Variants in TAFA1 observed in about 807,000 individuals in gnomAD.
The protein encoded by TAFA1 is chemokine-like protein TAFA-1.
Under a neutral mutation model 18.5 loss-of-function variants are expected in TAFA1, and 4 were observed. The observed-to-expected ratio is 0.22, with a 90% CI of 0.11 to 0.49. The LOEUF is 0.49. TAFA1 is among the 20% of genes least tolerant of loss of function. TAFA1 has a pLI of 0.98. For missense variants in TAFA1, 147 were observed against 169.0 expected (o/e 0.87, Z 0.72); for synonymous variants, 56 against 55.2 (o/e 1.01, Z -0.06).
At chr3:68,257,526 C>G (rs1316919634) in intron 2 of TAFA1, among the ~76,000 whole-genome samples, 7 of 151,554 alleles carry the variant, frequency 4.6e-5, no homozygotes, top group Non-Finnish European at 1.0e-4. Context: ...ATTACATCAA[C>G]AAACGAACAC....
intron 2 of TAFA1, among the ~76,000 whole-genome samples, chr3:68,159,856 A>G (rs544277806): frequency 6.6e-6 from 1 of 152,328 alleles, no homozygotes; most frequent in African/African-American, 2.4e-5. Flanking sequence ...CTATCACTAT[A>G]TAGTCACCCC....
intron 2 of TAFA1, among the ~76,000 whole-genome samples, chr3:68,188,821 T>A (rs889074981): frequency 2.0e-5 from 3 of 151,972 alleles, no homozygotes; most frequent in African/African-American, 7.2e-5. Flanking sequence ...TGATTAATTT[T>A]TATCATCCAG....
intron 2 of TAFA1, among the ~76,000 whole-genome samples, chr3:68,382,452 C>A (rs183575047): frequency 3.9e-5 from 6 of 152,012 alleles, no homozygotes; most frequent in Non-Finnish European, 8.8e-5. Context: ...GCCAGTTATC[C>A]CAGCACTATT....
intron 2 of TAFA1, among the ~76,000 whole-genome samples, chr3:68,154,054 TTAA>T (rs756354845): frequency 2.0e-5 from 3 of 152,174 alleles, no homozygotes; most frequent in Non-Finnish European, 4.4e-5. Context: ...TCTTAGTGGT[TTAA>T]TAGCAAATTA....
At chr3:68,334,952 A>G (rs1427222712) in intron 2 of TAFA1, among the ~76,000 whole-genome samples, 1 of 152,152 alleles carries the variant, frequency 6.6e-6, no homozygotes, top group African/African-American at 2.4e-5. Flanking sequence ...ACGAGAGCAT[A>G]CCTAACTTCA....
rs146359792 is a variant in TAFA1, at chr3:68,272,856, G to A, written c.119-144424G>A. On this transcript the variant is annotated intron_variant, in intron 2 of 4. Transcript: ENST00000478136. ...TAAAATTGCATTTCTTTTAATACCTGTATCTTCATATAGTTAGAAACTGAG... is the reference window on the plus strand; with the variant it reads ...TAAAATTGCATTTCTTTTAATACCTATATCTTCATATAGTTAGAAACTGAG... Among the ~76,000 whole-genome samples, 4 of 152,230 alleles carry A rather than the reference G, an allele frequency of 2.6e-5. No homozygotes were observed. In the East Asian group the frequency reaches 5.8e-4, roughly 22 times the overall value.
chr3:68,535,258 T>C (rs902798360), intron 3 of TAFA1, among the ~76,000 whole-genome samples: 6 of 152,172 alleles, frequency 3.9e-5, no homozygotes, highest in Non-Finnish European at 8.8e-5. Context: ...AGTGTATGTT[T>C]TTCTTGCTTC....
chr3:68,337,710 A>G (rs2068998251), intron 2 of TAFA1, among the ~76,000 whole-genome samples: 1 of 152,142 alleles, frequency 6.6e-6, no homozygotes, highest in Admixed American at 6.5e-5. Context: ...ACCCTCTTAA[A>G]TGTTTAAGTA....
intron 3 of TAFA1, among the ~76,000 whole-genome samples, chr3:68,466,635 G>A (rs997248639): frequency 6.6e-6 from 1 of 151,994 alleles, no homozygotes; most frequent in Non-Finnish European, 1.5e-5. Context: ...ATGTTGAACT[G>A]CTTATATCCT....
intron 3 of TAFA1, among the ~76,000 whole-genome samples, chr3:68,491,419 C>G (rs1198280653): frequency 1.3e-5 from 2 of 151,576 alleles, no homozygotes; most frequent in Non-Finnish European, 2.9e-5. Flanking sequence ...AATCATCATT[C>G]TCAGTAAACT....
At chr3:68,512,112 C>T (rs925830425) in intron 3 of TAFA1, among the ~76,000 whole-genome samples, 9 of 152,112 alleles carry the variant, frequency 5.9e-5, no homozygotes, top group Non-Finnish European at 1.2e-4. Flanking sequence ...ATCTCACCAA[C>T]TCCAGTGATA....
At chr3:68,439,679 A>G (rs1490610728) in intron 3 of TAFA1, among the ~76,000 whole-genome samples, 1 of 151,728 alleles carries the variant, frequency 6.6e-6, no homozygotes, top group Non-Finnish European at 1.5e-5. Context: ...AGCTGATTAC[A>G]TTGTGAATGC....
intron 3 of TAFA1, among the ~76,000 whole-genome samples, chr3:68,455,450 C>T (rs2071644311): frequency 6.6e-6 from 1 of 152,164 alleles, no homozygotes. Context: ...TAAAAGAAGT[C>T]AAAGCAGTCT....
At chr3:68,045,521 G>A (rs1201589336) in intron 2 of TAFA1, among the ~76,000 whole-genome samples, 1 of 152,098 alleles carries the variant, frequency 6.6e-6, no homozygotes, top group Non-Finnish European at 1.5e-5. Context: ...GTGCGGCCTT[G>A]GGAAGCTCCT....
Position 68,342,390 on chromosome 3 carries a change from G to T in TAFA1, c.119-74890G>T, listed in dbSNP as rs139614236. On this transcript the variant is annotated intron_variant, in intron 2 of 4. Coordinates refer to ENST00000478136, the MANE Select transcript of TAFA1 (RefSeq NM_213609.4). ...CTGGGGAGTTTCTTTAATCAGCTCC[G>T]AAAGGCTGTGAACTTGTTTATTCCC... 5.3e-5 allele frequency among the ~76,000 whole-genome samples: 8 copies of T among 152,258 alleles called. No individual in the cohort carries two copies. The East Asian group carries it at 1.5e-3, about 29-fold the overall frequency.
chr3:68,263,685 C>T (rs1243095897), intron 2 of TAFA1, among the ~76,000 whole-genome samples: 1 of 151,988 alleles, frequency 6.6e-6, no homozygotes, highest in Admixed American at 6.6e-5. Flanking sequence ...TCAAAGTCAC[C>T]TATCTTGTCT....
At chr3:68,421,678 A>C (rs751637152) in intron 3 of TAFA1, among the ~76,000 whole-genome samples, 1 of 152,112 alleles carries the variant, frequency 6.6e-6, no homozygotes, top group Admixed American at 6.6e-5. Flanking sequence ...AGACATTTCT[A>C]CTTTTTAAGA....
chr3:68,535,950 C>G (rs2073272838), intron 3 of TAFA1, among the ~76,000 whole-genome samples: 1 of 152,120 alleles, frequency 6.6e-6, no homozygotes, highest in South Asian at 2.1e-4. Context: ...TCCACTGAGG[C>G]ATTATTAGGT....
At chr3:68,460,743 A>G (rs1210961474) in intron 3 of TAFA1, among the ~76,000 whole-genome samples, 3 of 152,174 alleles carry the variant, frequency 2.0e-5, no homozygotes, top group Non-Finnish European at 4.4e-5. Context: ...CCATCAGCAA[A>G]GGTTCTGATT....
Sources: allele counts gnomAD v4.1 joint callset (sites outside exome capture counted in the v4.1 genomes callset), GRCh38; gene constraint gnomAD v4.1.1; transcripts MANE v1.5; gene names NCBI Gene and HGNC (gene_info 2026-07-23, HGNC 2026-07-21).